WDPCP: variants seen among roughly 807,000 people sequenced by gnomAD.
WDPCP encodes WD repeat containing planar cell polarity effector.
A neutral mutation model predicts 93.1 loss-of-function variants in WDPCP; 71 were observed. The observed-to-expected ratio is 0.76, with a 90% CI of 0.63 to 0.93. The LOEUF (loss-of-function observed/expected upper bound fraction) is 0.93, where lower values mean the gene tolerates loss of function less well. WDPCP is among the 40% of genes least tolerant of loss of function. The probability of loss-of-function intolerance (pLI) is 0.00; values close to 1 mark genes in which losing one functional copy is unlikely to be tolerated. For synonymous variants in WDPCP, 315 were observed against 315.0 expected (o/e 1.00, Z 0.00); for missense variants, 844 against 887.4 (o/e 0.95, Z 0.62).
chr2:63,535,344 A>C (rs2106266872), intron 1 of WDPCP, among the ~76,000 whole-genome samples: 1 of 152,362 alleles, frequency 6.6e-6, no homozygotes, highest in South Asian at 2.1e-4. Context: ...CTTTCTTCAC[A>C]AAATTGGAAA....
intron 12 of WDPCP, among the ~76,000 whole-genome samples, chr2:63,317,771 G>T (rs1184376460): frequency 6.6e-6 from 1 of 152,062 alleles, no homozygotes; most frequent in Non-Finnish European, 1.5e-5. Flanking sequence ...GATTCAAGAT[G>T]AACTACAGAC....
At chr2:63,722,657 T>TGG (rs540659527) in intron 2 of WDPCP, among the ~76,000 whole-genome samples, 2,539 of 72,896 alleles carry the variant, frequency 0.035, 326 homozygotes, top group African/African-American at 0.058. Flanking sequence ...GGGAGGGAGG[T>TGG]GGGGGGGGGT....
At chr2:63,401,431 CA>C (rs1344868295) in intron 10 of WDPCP, among the ~76,000 whole-genome samples, 1 of 152,154 alleles carries the variant, frequency 6.6e-6, no homozygotes, top group Non-Finnish European at 1.5e-5. Flanking sequence ...AAATGCAAAT[CA>C]AAACCACAAT....
intron 2 of WDPCP, among the ~76,000 whole-genome samples, chr2:63,792,888 T>C (rs1670564172): frequency 2.6e-5 from 4 of 151,412 alleles, no homozygotes. Flanking sequence ...AAAGGCCTCA[T>C]GAATAACATC....
intron 12 of WDPCP, among the ~76,000 whole-genome samples, chr2:63,320,870 T>C (rs1230193683): frequency 6.6e-6 from 1 of 152,066 alleles, no homozygotes; most frequent in Admixed American, 6.6e-5. Flanking sequence ...GAACTGAACA[T>C]TTCAATTAAA....
At chr2:63,674,215 C>T (rs568806447) in intron 2 of WDPCP, among the ~76,000 whole-genome samples, 1 of 152,162 alleles carries the variant, frequency 6.6e-6, no homozygotes, top group Non-Finnish European at 1.5e-5. Flanking sequence ...TTGGCTGCAA[C>T]TTTAACAGGT....
At chr2:63,584,597 G>C (rs1315290350) in intron 1 of WDPCP, among the ~76,000 whole-genome samples, 5 of 151,792 alleles carry the variant, frequency 3.3e-5, no homozygotes, top group African/African-American at 9.7e-5. Flanking sequence ...TTTTCCTATT[G>C]ATGGCCATAT....
At chr2:63,337,152 A>G (rs1688439460) in intron 12 of WDPCP, among the ~76,000 whole-genome samples, 2 of 152,090 alleles carry the variant, frequency 1.3e-5, no homozygotes, top group African/African-American at 4.8e-5. Context: ...TCAGCCTCCC[A>G]AAGTGCTGGG....
intron 14 of WDPCP, among the ~76,000 whole-genome samples, chr2:63,237,609 TG>T (rs1679510126): frequency 6.6e-6 from 1 of 152,146 alleles, no homozygotes; most frequent in South Asian, 2.1e-4. Flanking sequence ...AATGAAAATG[TG>T]GTACATATAC....
chr2:63,296,092 G>A (rs910490480), intron 13 of WDPCP, among the ~76,000 whole-genome samples: 1 of 151,464 alleles, frequency 6.6e-6, no homozygotes, highest in African/African-American at 2.4e-5. Context: ...GGTAACTCAC[G>A]ATTAAGTGGG....
chr2:63,622,409 T>C, intron 3 of WDPCP: 1 of 1,613,816 alleles, frequency 6.2e-7, no homozygotes. Flanking sequence ...CCTGGACAGC[T>C]CTGGAGACAC....
chr2:63,427,974 G>C (rs559243829), intron 9 of WDPCP, among the ~76,000 whole-genome samples: 1 of 152,134 alleles, frequency 6.6e-6, no homozygotes, highest in East Asian at 1.9e-4. Context: ...TAGAAAATCT[G>C]TAGGAAATAG....
chr2:63,555,083 A>G (rs530822595), intron 1 of WDPCP, among the ~76,000 whole-genome samples: 9 of 152,358 alleles, frequency 5.9e-5, no homozygotes, highest in African/African-American at 2.2e-4. Context: ...ACTGCCTAAG[A>G]CTACCAAGTT....
chr2:63,820,186 A>T (rs759401590), intron 1 of WDPCP, among the ~76,000 whole-genome samples: 2 of 152,214 alleles, frequency 1.3e-5, no homozygotes, highest in Non-Finnish European at 2.9e-5. Flanking sequence ...GCATCATAAC[A>T]GAAACAGTAC....
At chr2:63,320,760 AGAG>A (rs1401100851) in intron 12 of WDPCP, among the ~76,000 whole-genome samples, 2 of 105,414 alleles carry the variant, frequency 1.9e-5, no homozygotes, top group African/African-American at 8.7e-5. Flanking sequence ...AGGAAGGAAA[AGAG>A]GAGTGAAGAA....
Position 63,515,800 on chromosome 2 carries a change from A to G in WDPCP, c.76-22860T>C, listed in dbSNP as rs1702513094. 2.6e-5 allele frequency among the ~76,000 whole-genome samples: 4 copies of G among 152,282 alleles called. No individual in the cohort carries two copies. The South Asian group carries it at 8.3e-4, about 32-fold the overall frequency. On this transcript the variant is annotated intron_variant, in intron 1 of 17. Coordinates refer to ENST00000272321, the MANE Select transcript of WDPCP (RefSeq NM_015910.7). The stretch of plus-strand genomic sequence containing the variant: ...TTCGGGAGGCCGAGGCAGGCAGATC[A>G]CTTGAGGCCAGGAGTTCGAGACCAG...
At chr2:63,131,579 A>C (rs549826154) in intron 17 of WDPCP, among the ~76,000 whole-genome samples, 2 of 152,284 alleles carry the variant, frequency 1.3e-5, no homozygotes, top group African/African-American at 4.8e-5. Context: ...TCTATACAAG[A>C]ATTAAAAGTG....
chr2:63,298,156 GGTAA>G (rs1473061899), intron 13 of WDPCP, among the ~76,000 whole-genome samples: 1 of 152,076 alleles, frequency 6.6e-6, no homozygotes, highest in Non-Finnish European at 1.5e-5. Context: ...CCAATTAGAG[GGTAA>G]GTAAGGCCAG....
intron 1 of WDPCP, among the ~76,000 whole-genome samples, chr2:63,568,707 A>T (rs1707261236): frequency 6.6e-6 from 1 of 152,230 alleles, no homozygotes; most frequent in Admixed American, 6.5e-5. Context: ...GAACTTGTTA[A>T]AAGAGGCAAA....
Sources: allele counts gnomAD v4.1 joint callset (sites outside exome capture counted in the v4.1 genomes callset), GRCh38; gene constraint gnomAD v4.1.1; transcripts MANE v1.5; gene names NCBI Gene and HGNC (gene_info 2026-07-23, HGNC 2026-07-21).